The following CNNM4 variants were observed in gnomAD, a reference collection of about 807,000 sequenced individuals.
The protein encoded by CNNM4 is cyclin and CBS domain divalent metal cation transport mediator 4.
In CNNM4, 32 loss-of-function variants were observed where a neutral mutation model predicts 53.7. That is an observed-to-expected ratio of 0.60 (90% CI 0.45 to 0.80). The LOEUF is 0.80. CNNM4 is among the 30% of genes least tolerant of loss of function. The pLI is 0.00. For missense variants in CNNM4, 784 were observed against 1,022.0 expected (o/e 0.77, Z 3.17); for synonymous variants, 410 against 440.0 (o/e 0.93, Z 0.85).
chr2:96,798,893 C>T (rs995240396), intron 3 of CNNM4, among the ~76,000 whole-genome samples, 164 bp from the exon 4 acceptor site: 5 of 152,174 alleles, frequency 3.3e-5, no homozygotes, highest in African/African-American at 7.2e-5. Flanking sequence ...AGAAGCCAAG[C>T]GTGCTCCCTC....
intron 5 of CNNM4, among the ~76,000 whole-genome samples, chr2:96,804,660 C>T (rs1234837002): frequency 1.3e-5 from 2 of 151,994 alleles, no homozygotes; most frequent in Non-Finnish European, 2.9e-5. Context: ...CTCGGCCTCC[C>T]AACGTGCTGG....
chr2:96,802,943 G>A (rs2079172159), intron 5 of CNNM4, among the ~76,000 whole-genome samples: 1 of 152,120 alleles, frequency 6.6e-6, no homozygotes, highest in Admixed American at 6.6e-5. Context: ...GTGCCCATCA[G>A]GAGCAGCACC....
chr2:96,801,722 T>TGCAGAGACCACACACAC lies in CNNM4; in HGVS notation c.1948+2075_1948+2091dup, dbSNP rs1328168308. Among the ~76,000 whole-genome samples, 23 of 112,124 alleles carry TGCAGAGACCACACACAC rather than the reference T, an allele frequency of 2.1e-4. No homozygotes were observed. The highest frequency in any genetic ancestry group is 3.4e-4 in the African/African-American group (7 of 20,572). The allele number at this position is 112,124 out of a possible 152,430, so 73.6% of individuals were successfully genotyped here. A position where few individuals can be genotyped will look rare whatever the true frequency, so the allele number is the denominator to read the frequency against. ...CACACACGCAGAGAGACCACACACA[T>TGCAGAGACCACACACAC]GCAGAGACCACACACACCCAGAGAC... On this transcript the variant is annotated intron_variant, in intron 5 of 6. Transcript: ENST00000377075. This position sits in a 1 kb window ranked among gnomAD's most constrained non-coding sequence, Gnocchi z 5.6.
rs769244069 is a variant in CNNM4, at chr2:96,797,470, C to T, written c.1547-43C>T. On this transcript the variant is annotated intron_variant, in intron 2 of 6. Transcript: ENST00000377075. The surrounding 1 kb of genome is among the most constrained non-coding windows in gnomAD (Gnocchi z 6.0). ...GCGGGTTCCAGTCTCTTCCTAAGTC[C>T]TCAGGGGTCTGTGTTCTCAATTCCA... is the stretch of plus-strand genomic sequence containing the variant. 5.6e-6 allele frequency: 9 copies of T among 1,610,968 alleles called. No individual in the cohort carries two copies. Among genetic ancestry groups the T allele is most frequent in the South Asian group, 4.4e-5 (4 of 91,086 alleles).
chr2:96,764,456 C>A (rs2078794736), intron 1 of CNNM4, among the ~76,000 whole-genome samples: 1 of 152,140 alleles, frequency 6.6e-6, no homozygotes, highest in Admixed American at 6.5e-5. Flanking sequence ...GCACAGCAGG[C>A]CGCCCTGGAG....
intron 1 of CNNM4, among the ~76,000 whole-genome samples, chr2:96,773,578 C>A (rs1036538050): frequency 6.6e-6 from 1 of 152,112 alleles, no homozygotes; most frequent in Non-Finnish European, 1.5e-5. Context: ...CGCGGTGGCT[C>A]ATGGCTGTAA....
In CNNM4 at chr2:96,799,317, T is replaced by C. The variant is rs1248485235; in HGVS notation, c.1851+91T>C. ...CTCTCCCACCTGCTGCGGAGGTGCA[T>C]GGCTTCCCTGCCTGGGGAGCCTGCT... On this transcript the variant is annotated intron_variant, in intron 4 of 6. Transcript: ENST00000377075. 7 of 1,528,106 alleles carry C rather than the reference T, an allele frequency of 4.6e-6. No homozygotes were observed. In the South Asian group the frequency reaches 6.7e-5, roughly 15 times the overall value. The allele number at this position is 1,528,106 out of a possible 1,614,324, so 94.7% of individuals were successfully genotyped here. A position where few individuals can be genotyped will look rare whatever the true frequency, so the allele number is the denominator to read the frequency against.
rs2079117845 is a variant in CNNM4, at chr2:96,797,741, C to T, written c.1681+94C>T. The T allele has an allele frequency of 1.3e-6, 2 of 1,544,198 alleles. No homozygotes were observed. Among genetic ancestry groups the T allele is most frequent in the South Asian group, 1.1e-5 (1 of 87,368 alleles). On this transcript the variant is annotated intron_variant, in intron 3 of 6. Transcript: ENST00000377075. The surrounding 1 kb of genome is among the most constrained non-coding windows in gnomAD (Gnocchi z 6.0). The stretch of plus-strand genomic sequence containing the variant: ...CTGCTTTCCCCCCATAGGACGAGGG[C>T]TGCAGCAGGTGAGGGGTGCAGAGAC...
chr2:96,794,868 T>C (rs1323766855), intron 1 of CNNM4, among the ~76,000 whole-genome samples: 1 of 152,180 alleles, frequency 6.6e-6, no homozygotes, highest in East Asian at 1.9e-4. Context: ...CCAGGCTTTT[T>C]AGAGGGTGCC....
chr2:96,761,154 C>G lies in CNNM4; in HGVS notation c.155C>G (p.Ala52Gly), dbSNP rs750922469. 5 of 1,607,306 alleles carry G rather than the reference C, an allele frequency of 3.1e-6. No homozygotes were observed. The highest frequency in any genetic ancestry group is 4.3e-6 in the Non-Finnish European group (5 of 1,175,330). Residue 52 changes from alanine to glycine, a missense_variant, in exon 1 of 7, where the codon GCG becomes GGG. By Grantham distance (60) the Ala-to-Gly change is moderately conservative. This residue lies in a region of CNNM4 where 473 missense variants were observed against 624.6 expected (regional missense o/e 0.76). Transcript: ENST00000377075. This position sits in a 1 kb window ranked among gnomAD's most constrained non-coding sequence, Gnocchi z 6.0. ...GGCACGATCGTGGGCATGAGGCTGG[C>G]GAGCTGCAACAAGTCGTGTGGGACG... ...QQGTIVGMRL[A>G]SCNKSCGTNP...
chr2:96,804,118 G>C (rs1003081319), intron 5 of CNNM4, among the ~76,000 whole-genome samples: 1 of 151,664 alleles, frequency 6.6e-6, no homozygotes, highest in Admixed American at 6.6e-5. Flanking sequence ...GTCCAGGCTG[G>C]TCTCAAACTC....
At chr2:96,791,043 C>T (rs541188862) in intron 1 of CNNM4, among the ~76,000 whole-genome samples, 10 of 149,868 alleles carry the variant, frequency 6.7e-5, no homozygotes, top group African/African-American at 2.0e-4. Context: ...TTGCTTGATC[C>T]GGGGAGATGG....
rs1013955172 is a variant in CNNM4, at chr2:96,797,735, C to T, written c.1681+88C>T. ...TTCCGGCTGCTTTCCCCCCATAGGA[C>T]GAGGGCTGCAGCAGGTGAGGGGTGC... On this transcript the variant is annotated intron_variant, in intron 3 of 6. Coordinates refer to ENST00000377075, the MANE Select transcript of CNNM4 (RefSeq NM_020184.4). The surrounding 1 kb of genome is among the most constrained non-coding windows in gnomAD (Gnocchi z 6.0). 2.2e-5 allele frequency: 35 copies of T among 1,563,122 alleles called. No homozygotes were observed. The highest frequency in any genetic ancestry group is 1.8e-4 in the Admixed American group (10 of 56,116).
Position 96,762,192 on chromosome 2 carries a change from C to T in CNNM4, c.1193C>T (p.Ser398Leu), listed in dbSNP as rs375283671. ...SDAILDFNTMSEIMESGYTRI... is the reference protein window; with the variant it reads ...SDAILDFNTMLEIMESGYTRI... Reference sequence around the variant, plus strand: ...GCCATCCTGGACTTCAACACCATGTCGGAGATAATGGAAAGCGGCTATACT... The same window carrying T: ...GCCATCCTGGACTTCAACACCATGTTGGAGATAATGGAAAGCGGCTATACT... Residue 398 changes from serine (S) to leucine (L), a missense_variant, in exon 1 of 7, where the codon TCG becomes TTG. Ser to Leu is a moderately radical substitution (Grantham distance 145). Around this residue, in one of 3 missense-constraint regions of CNNM4, gnomAD observed 473 missense variants for 624.6 expected, o/e 0.76. Coordinates refer to ENST00000377075, the MANE Select transcript of CNNM4 (RefSeq NM_020184.4). 3.1e-6 allele frequency: 5 copies of T among 1,614,018 alleles called. No individual in the cohort carries two copies. The highest frequency in any genetic ancestry group is 4.2e-6 in the Non-Finnish European group (5 of 1,180,040).
At chr2:96,805,437 T>TG (rs1232059455) in intron 5 of CNNM4, among the ~76,000 whole-genome samples, 1 of 141,962 alleles carries the variant, frequency 7.0e-6, no homozygotes, top group Admixed American at 6.8e-5. Context: ...TTTTTTTTTT[T>TG]TTATTATTTT....
intron 1 of CNNM4, among the ~76,000 whole-genome samples, chr2:96,776,836 A>G (rs1045912851): frequency 6.6e-6 from 1 of 152,082 alleles, no homozygotes; most frequent in African/African-American, 2.4e-5. Context: ...GCTGGTCTCC[A>G]ACTCCTGACC....
intron 1 of CNNM4, 30 bp from the exon 2 acceptor site, chr2:96,796,980 GCT>G (rs769505601): frequency 6.2e-7 from 1 of 1,610,850 alleles, no homozygotes; most frequent in Admixed American, 1.7e-5. Context: ...TGGCCTCTGG[GCT>G]CTTGTCTGAC....
chr2:96,808,304 A>C lies in CNNM4; in HGVS notation c.1949-257A>C, dbSNP rs957052555. ...TAAACTTTCTAAGTCTGTGGTTTTT[A>C]TTTTCTGTTTGGTTGATTTGTTTTG... is the stretch of plus-strand genomic sequence containing the variant. On this transcript the variant is annotated intron_variant, in intron 5 of 6. Transcript: ENST00000377075. This position sits in a 1 kb window ranked among gnomAD's most constrained non-coding sequence, Gnocchi z 4.9. Among the ~76,000 whole-genome samples the C allele has an allele frequency of 1.6e-4, 24 of 151,926 alleles. No homozygotes were observed. The highest frequency in any genetic ancestry group is 1.1e-3 in the Admixed American group (17 of 15,252).
Position 96,806,053 on chromosome 2 carries a change from C to A in CNNM4, c.1949-2508C>A, listed in dbSNP as rs541927198. ...GCAGAGGCGCCCCTCACCTCCCGGA[C>A]GGGGCGGCTGGCCGGGCAGGGGGGC... On this transcript the variant is annotated intron_variant, in intron 5 of 6. Coordinates refer to ENST00000377075, the MANE Select transcript of CNNM4 (RefSeq NM_020184.4). 6.4e-3 allele frequency among the ~76,000 whole-genome samples: 928 copies of A among 145,530 alleles called. 17 individuals carry two copies. The highest frequency in any genetic ancestry group is 0.024 in the African/African-American group (853 of 35,886).
Sources: gnomAD v4.1 joint callset for allele counts (sites outside exome capture counted in the v4.1 genomes callset) on GRCh38, gnomAD v4.1.1 for gene constraint, gnomAD v4.1.1 regional missense constraint, Gnocchi (gnomAD v3.1) non-coding constraint, MANE v1.5 for transcripts, NCBI Gene and HGNC (gene_info 2026-07-23, HGNC 2026-07-21) for gene names.